Variants in CTBP2 observed in about 807,000 individuals in gnomAD.
The protein encoded by CTBP2 is C-terminal-binding protein 2.
A neutral mutation model predicts 80.3 loss-of-function variants in CTBP2; 30 were observed. That is an observed-to-expected ratio of 0.37 (90% CI 0.28 to 0.51). CTBP2 has a LOEUF of 0.51. Ranked by LOEUF, CTBP2 falls within the 20% of genes least tolerant of loss-of-function variation. The pLI, the probability that CTBP2 is intolerant of heterozygous loss-of-function variation, is 0.93. For missense variants in CTBP2, 1,212 were observed against 1,375.3 expected (o/e 0.88, Z 1.88); for synonymous variants, 594 against 587.4 (o/e 1.01, Z -0.16).
At chr10:125,033,864 T>C (rs747696472) in intron 3 of CTBP2, among the ~76,000 whole-genome samples, 43 of 152,074 alleles carry the variant, frequency 2.8e-4, no homozygotes, top group Middle Eastern at 3.4e-3. Context: ...AACTCAATCA[T>C]CGATGGAGAC....
At chr10:125,153,637 C>T (rs985787060) in intron 1 of CTBP2, among the ~76,000 whole-genome samples, 1 of 152,166 alleles carries the variant, frequency 6.6e-6, no homozygotes, top group Non-Finnish European at 1.5e-5. Flanking sequence ...ACAATACTAT[C>T]ACTTCCAGGT....
intron 1 of CTBP2, among the ~76,000 whole-genome samples, chr10:125,154,028 C>CA (rs1210072755): frequency 6.6e-6 from 1 of 152,224 alleles, no homozygotes; most frequent in Non-Finnish European, 1.5e-5. Context: ...TGGAATGAGA[C>CA]ACAGAAATAT....
intron 1 of CTBP2, among the ~76,000 whole-genome samples, chr10:125,144,588 C>T (rs1858413603): frequency 6.6e-6 from 1 of 152,180 alleles, no homozygotes; most frequent in South Asian, 2.1e-4. Flanking sequence ...CAGCAGGTAT[C>T]ACTCCCAAAT....
intron 1 of CTBP2, among the ~76,000 whole-genome samples, chr10:125,011,215 T>C (rs919663953): frequency 1.3e-5 from 2 of 152,238 alleles, no homozygotes; most frequent in African/African-American, 2.4e-5. Context: ...CTCCTCGGCT[T>C]CTGAGTTTGG....
intron 2 of CTBP2, among the ~76,000 whole-genome samples, chr10:125,058,411 C>G (rs1008628933): frequency 1.3e-5 from 2 of 152,216 alleles, no homozygotes; most frequent in Non-Finnish European, 2.9e-5. Context: ...CTGAGTTTTG[C>G]CTTTTCCAAG....
intron 2 of CTBP2, among the ~76,000 whole-genome samples, chr10:125,046,375 A>G (rs1346198337): frequency 6.6e-6 from 1 of 151,922 alleles, no homozygotes; most frequent in Non-Finnish European, 1.5e-5. Context: ...CATCTCTACT[A>G]AAAATACAAA....
At chr10:125,075,629 G>A (rs1421111025) in intron 2 of CTBP2, among the ~76,000 whole-genome samples, 2 of 152,150 alleles carry the variant, frequency 1.3e-5, no homozygotes, top group African/African-American at 4.8e-5. Context: ...TCCAGACAAA[G>A]CAATTTTTAG....
chr10:125,098,752 G>GAC (rs1850114127), intron 2 of CTBP2, among the ~76,000 whole-genome samples: 1 of 117,456 alleles, frequency 8.5e-6, no homozygotes, highest in African/African-American at 3.7e-5. Context: ...GAGAGAGACA[G>GAC]AGAGAGAGAG....
chr10:125,140,986 A>T (rs1857710399), intron 1 of CTBP2, among the ~76,000 whole-genome samples: 1 of 151,860 alleles, frequency 6.6e-6, no homozygotes, highest in African/African-American at 2.4e-5. Context: ...CTAAAAATAC[A>T]AAAATTAGCC....
chr10:125,007,343 G>A (rs2134343783), intron 1 of CTBP2, among the ~76,000 whole-genome samples: 1 of 152,404 alleles, frequency 6.6e-6, no homozygotes, highest in South Asian at 2.1e-4. Context: ...AGGCAGTGCT[G>A]ACGCCCATCC....
intron 2 of CTBP2, among the ~76,000 whole-genome samples, chr10:125,083,695 G>C (rs1304307316): frequency 2.0e-5 from 3 of 152,146 alleles, no homozygotes; most frequent in Non-Finnish European, 2.9e-5. Flanking sequence ...GTGCAGTCTT[G>C]ACCTCCTGGA....
rs767839739 is a variant in CTBP2, at chr10:125,027,051, T to C, written c.709A>G (p.Ser237Gly). 1 of 1,613,368 alleles carries C rather than the reference T, an allele frequency of 6.2e-7. No individual in the cohort carries two copies. The highest frequency in any genetic ancestry group is 8.5e-7 in the Non-Finnish European group (1 of 1,179,664). The change falls in exon 1 of 9, where the codon AGT becomes GGT. Residue 237 changes from serine to glycine, a missense_variant. Coordinates refer to ENST00000309035, the MANE Select transcript of CTBP2 (RefSeq NM_022802.3). ...CTGCCTTCGGGGGCAGCAGCTGAAC[T>C]GGGGTCCACAACCAGGCACGTCGGG...
At chr10:125,049,046 G>GACACACAGACAC (rs1962006814) in intron 2 of CTBP2, among the ~76,000 whole-genome samples, 2 of 89,662 alleles carry the variant, frequency 2.2e-5, no homozygotes, top group East Asian at 7.5e-4. Context: ...CCTGACCACA[G>GACACACAGACAC]ACACACACAC....
chr10:125,065,994 A>C (rs3889907), intron 2 of CTBP2, among the ~76,000 whole-genome samples: 1 of 151,086 alleles, frequency 6.6e-6, no homozygotes, highest in Non-Finnish European at 1.5e-5. Flanking sequence ...CCAGCTACCC[A>C]GGTGGCTGAG....
intron 4 of CTBP2, among the ~76,000 whole-genome samples, chr10:124,994,936 CAA>C (rs1953262767): frequency 6.6e-6 from 1 of 152,212 alleles, no homozygotes; most frequent in Non-Finnish European, 1.5e-5. Context: ...TTGTTAAAAA[CAA>C]AACAAAACCC....
chr10:124,999,550 C>G (rs1954138739), intron 3 of CTBP2: 1 of 152,256 alleles, frequency 6.6e-6, no homozygotes. Flanking sequence ...CTTAGCAAGA[C>G]ACACAGCTCA....
chr10:125,040,477 A>AAAT (rs36129503), intron 2 of CTBP2, among the ~76,000 whole-genome samples: 1 of 141,936 alleles, frequency 7.0e-6, no homozygotes, highest in Middle Eastern at 3.7e-3. Flanking sequence ...AAAAAAAAAA[A>AAAT]GGTGGCTTGA....
Position 124,987,592 on chromosome 10 carries a change from TTTTG to T in CTBP2, c.*1922_*1925del, listed in dbSNP as rs1393478706. 1 of 152,146 alleles carries T rather than the reference TTTTG, an allele frequency of 6.6e-6. No individual in the cohort carries two copies. Among genetic ancestry groups the T allele is most frequent in the African/African-American group, 2.4e-5 (1 of 41,424 alleles). 9.4% of individuals were successfully genotyped at this position (152,146 alleles called of 1,614,324 possible). The stretch of plus-strand genomic sequence containing the variant: ...TGGTTACGAAGACGTTAAACTACCT[TTTTG>T]TTCCCTGGGGTAATAGGTCAGTAAC... On this transcript the variant is annotated 3_prime_UTR_variant, in exon 9 of 9. Coordinates refer to ENST00000309035, the MANE Select transcript of CTBP2 (RefSeq NM_022802.3).
At chr10:125,156,834 TTAAAAG>T (rs1475835872) in intron 1 of CTBP2, among the ~76,000 whole-genome samples, 37 of 152,344 alleles carry the variant, frequency 2.4e-4, no homozygotes, top group African/African-American at 8.2e-4. Context: ...TTCTGGAGTT[TTAAAAG>T]TTAAGACTGA....
Sources: allele counts gnomAD v4.1 joint callset (sites outside exome capture counted in the v4.1 genomes callset), GRCh38; gene constraint gnomAD v4.1.1; transcripts MANE v1.5; gene names NCBI Gene and HGNC (gene_info 2026-07-23, HGNC 2026-07-21).